Variants in TBC1D32 observed in about 807,000 individuals in gnomAD.
The protein encoded by TBC1D32 is protein broad-minded.
Under a neutral mutation model 170.3 loss-of-function variants are expected in TBC1D32, and 151 were observed. That is an observed-to-expected ratio of 0.89 (90% CI 0.78 to 1.01). TBC1D32 has a LOEUF of 1.01. Among genes scored for constraint, TBC1D32 ranks in the 50% least tolerant of loss-of-function variants. TBC1D32 has a pLI of 0.00. For missense variants in TBC1D32, 1,464 were observed against 1,457.1 expected, an observed-to-expected ratio of 1.00 and a Z score of -0.08; for synonymous variants, 498 against 488.0, an observed-to-expected ratio of 1.02 and a Z score of -0.27.
intron 17 of TBC1D32, among the ~76,000 whole-genome samples, chr6:121,253,787 G>A (rs1286793172): frequency 6.6e-6 from 1 of 152,072 alleles, no homozygotes; most frequent in Admixed American, 6.6e-5. Context: ...ACTGCTGGTG[G>A]GAATGTAAAC....
chr6:121,293,724 G>A (rs530332991), intron 11 of TBC1D32, among the ~76,000 whole-genome samples: 3 of 152,038 alleles, frequency 2.0e-5, no homozygotes, highest in African/African-American at 4.8e-5. Flanking sequence ...AGCCTGGCCA[G>A]CACAGTGAAA....
At chr6:121,322,346 T>C (rs1809850385) in intron 1 of TBC1D32, among the ~76,000 whole-genome samples, 1 of 152,188 alleles carries the variant, frequency 6.6e-6, no homozygotes, top group South Asian at 2.1e-4. Flanking sequence ...AAAGCCCTCA[T>C]AGATTCCAAT....
chr6:121,298,439 A>G (rs1210737236), intron 10 of TBC1D32, among the ~76,000 whole-genome samples: 1 of 152,060 alleles, frequency 6.6e-6, no homozygotes, highest in Middle Eastern at 3.2e-3. Flanking sequence ...GTGAGTCATT[A>G]TCTGTACATA....
At chr6:121,146,429 G>A (rs974095999) in intron 24 of TBC1D32, among the ~76,000 whole-genome samples, 4 of 152,196 alleles carry the variant, frequency 2.6e-5, no homozygotes, top group Non-Finnish European at 5.9e-5. Flanking sequence ...GTAGTTAAGT[G>A]AGTTGATATG....
At chr6:121,178,304 T>C (rs1788039929) in intron 22 of TBC1D32, among the ~76,000 whole-genome samples, 1 of 152,164 alleles carries the variant, frequency 6.6e-6, no homozygotes, top group Non-Finnish European at 1.5e-5. Context: ...GTGATGACTC[T>C]GGATTTTGTT....
At chr6:121,085,272 T>TAC (rs1776095712) in intron 31 of TBC1D32, among the ~76,000 whole-genome samples, 1 of 142,458 alleles carries the variant, frequency 7.0e-6, no homozygotes, top group African/African-American at 2.8e-5. Flanking sequence ...TATATACATA[T>TAC]ATACGTATAT....
chr6:121,232,736 T>G (rs532038476), intron 20 of TBC1D32, among the ~76,000 whole-genome samples: 3 of 152,008 alleles, frequency 2.0e-5, no homozygotes, highest in Non-Finnish European at 4.4e-5. Context: ...AGCTTGGTGT[T>G]CATTATTTCT....
At position 121,173,195 on chromosome 6, in the gene TBC1D32, T is replaced by A. The variant is rs73540530; in HGVS notation, c.2571-12139A>T. Among the ~76,000 whole-genome samples the A allele has an allele frequency of 4.7e-3, 717 of 152,208 alleles. 6 individuals carry two copies. The highest frequency in any genetic ancestry group is 0.016 in the African/African-American group (663 of 41,532). ...GTAGAAGAGCGTGGAAAGACTAGACTGATTTACTCTTCCAACCTACATCTT... is the reference window on the plus strand; with the variant it reads ...GTAGAAGAGCGTGGAAAGACTAGACAGATTTACTCTTCCAACCTACATCTT... On this transcript the variant is annotated intron_variant, in intron 22 of 31. Transcript: ENST00000398212.
intron 25 of TBC1D32, among the ~76,000 whole-genome samples, chr6:121,127,926 TA>T (rs1781027176): frequency 6.6e-6 from 1 of 152,218 alleles, no homozygotes; most frequent in Admixed American, 6.5e-5. Context: ...AGCATATTGC[TA>T]AGCAATTCTT....
At chr6:121,265,363 G>T (rs192162058) in intron 15 of TBC1D32, among the ~76,000 whole-genome samples, 108 of 152,160 alleles carry the variant, frequency 7.1e-4, no homozygotes, top group Middle Eastern at 3.4e-3. Context: ...GGGACGTGAA[G>T]GAACTCTTCA....
chr6:121,237,229 C>T (rs1229682303), intron 20 of TBC1D32, among the ~76,000 whole-genome samples: 1 of 151,984 alleles, frequency 6.6e-6, no homozygotes, highest in Admixed American at 6.6e-5. Context: ...CTCCTGGTTT[C>T]CACTATTGTA....
At chr6:121,234,377 G>T (rs1467077506) in intron 20 of TBC1D32, among the ~76,000 whole-genome samples, 5 of 152,042 alleles carry the variant, frequency 3.3e-5, no homozygotes, top group Admixed American at 2.0e-4. Flanking sequence ...ATTTAGCATA[G>T]TCCCAAGCCT....
chr6:121,320,838 T>C (rs1809605165), intron 2 of TBC1D32, among the ~76,000 whole-genome samples: 1 of 152,188 alleles, frequency 6.6e-6, no homozygotes, highest in South Asian at 2.1e-4. Flanking sequence ...CTCAGGTATA[T>C]ATTCAAACGT....
intron 24 of TBC1D32, among the ~76,000 whole-genome samples, chr6:121,145,538 G>A (rs939308515): frequency 2.0e-5 from 3 of 152,056 alleles, no homozygotes; most frequent in African/African-American, 7.2e-5. Flanking sequence ...GATGTCTATT[G>A]TACAACATGG....
At chr6:121,127,284 G>A (rs1323446524) in intron 25 of TBC1D32, among the ~76,000 whole-genome samples, 3 of 152,232 alleles carry the variant, frequency 2.0e-5, no homozygotes, top group Non-Finnish European at 4.4e-5. Flanking sequence ...AACAATTAGT[G>A]TTCAACAGGT....
At chr6:121,333,164 T>C (rs1352569140) in intron 1 of TBC1D32, among the ~76,000 whole-genome samples, 1 of 152,132 alleles carries the variant, frequency 6.6e-6, no homozygotes, top group African/African-American at 2.4e-5. Flanking sequence ...AAAGGTAGTA[T>C]AACTAGAAAA....
At chr6:121,246,018 C>T (rs998101148) in intron 17 of TBC1D32, among the ~76,000 whole-genome samples, 7 of 152,316 alleles carry the variant, frequency 4.6e-5, no homozygotes, top group Non-Finnish European at 8.8e-5. Flanking sequence ...TTGGGTATTA[C>T]ATCTACTCAC....
At chr6:121,282,040 CT>C (rs1207597978) in intron 13 of TBC1D32, among the ~76,000 whole-genome samples, 1 of 151,666 alleles carries the variant, frequency 6.6e-6, no homozygotes, top group Non-Finnish European at 1.5e-5. Flanking sequence ...CTAGAATACA[CT>C]TTTACCATAC....
intron 12 of TBC1D32, among the ~76,000 whole-genome samples, chr6:121,291,081 A>G (rs1189694839): frequency 2.6e-5 from 4 of 152,144 alleles, no homozygotes; most frequent in African/African-American, 9.7e-5. Context: ...GTTTACCAAC[A>G]TGGCACATGT....
Sources: allele counts gnomAD v4.1 joint callset (sites outside exome capture counted in the v4.1 genomes callset), GRCh38; gene constraint gnomAD v4.1.1; transcripts MANE v1.5; gene names NCBI Gene and HGNC (gene_info 2026-07-23, HGNC 2026-07-21).